PBX3: variants seen among roughly 807,000 people sequenced by gnomAD.
PBX3 encodes the protein pre-B-cell leukemia transcription factor 3.
PBX3 carries 14 observed loss-of-function variants against 48.5 expected under a neutral mutation model. The observed-to-expected ratio is 0.29, with a 90% confidence interval of 0.19 to 0.45. The LOEUF (loss-of-function observed/expected upper bound fraction) is 0.45. PBX3 is among the 20% of genes least tolerant of loss of function. The probability of loss-of-function intolerance (pLI) is 1.00; values close to 1 mark genes in which losing one functional copy is unlikely to be tolerated. For missense variants in PBX3, 386 were observed against 546.7 expected (o/e 0.71, Z 2.93); for synonymous variants, 210 against 200.3 (o/e 1.05, Z -0.41).
chr9:125,836,173 C>T lies in PBX3; in HGVS notation c.275-79513C>T, dbSNP rs186871786. ...AAAAAAAATTGATCTTGGCTGGGCGCGGTGGCTCACGCCTGTAATCCAAGC... is the reference window on the plus strand; with the variant it reads ...AAAAAAAATTGATCTTGGCTGGGCGTGGTGGCTCACGCCTGTAATCCAAGC... On this transcript the variant is annotated intron_variant, in intron 2 of 8. Coordinates refer to ENST00000373489, the MANE Select transcript of PBX3 (RefSeq NM_006195.6). 1.4e-4 allele frequency among the ~76,000 whole-genome samples: 22 copies of T among 152,224 alleles called. No homozygotes were observed. In the East Asian group the frequency reaches 2.5e-3, roughly 17 times the overall value.
rs974221321 is a variant in PBX3 at position 125,851,750 on chromosome 9, T to C, written c.275-63936T>C. ...CTGAATTTCTTAAGAACTTTTATTA[T>C]ACTATGAAATCAATTATTTCTTGGG... On this transcript the variant is annotated intron_variant, in intron 2 of 8. Coordinates refer to ENST00000373489, the MANE Select transcript of PBX3 (RefSeq NM_006195.6). 7.9e-5 allele frequency among the ~76,000 whole-genome samples: 12 copies of C among 152,210 alleles called. 2 individuals are homozygous for C. Among genetic ancestry groups the C allele is most frequent in the Admixed American group, 7.2e-4 (11 of 15,258 alleles).
intron 2 of PBX3, among the ~76,000 whole-genome samples, chr9:125,835,366 A>G (rs993663830): frequency 2.0e-5 from 3 of 152,168 alleles, no homozygotes; most frequent in Non-Finnish European, 2.9e-5. Flanking sequence ...ATGGCCCTAG[A>G]GTCTATACTC....
intron 2 of PBX3, among the ~76,000 whole-genome samples, chr9:125,880,322 C>T (rs963928445): frequency 6.6e-6 from 1 of 152,214 alleles, no homozygotes; most frequent in African/African-American, 2.4e-5. Context: ...GGATTACAGG[C>T]GTGAGCCACT....
intron 2 of PBX3, among the ~76,000 whole-genome samples, chr9:125,872,675 G>A (rs529402829): frequency 5.9e-5 from 9 of 151,614 alleles, no homozygotes; most frequent in East Asian, 2.0e-4. Flanking sequence ...CAGGAGGATC[G>A]CTTGAGCCCA....
intron 2 of PBX3, among the ~76,000 whole-genome samples, chr9:125,770,800 C>T (rs149473660): frequency 2.0e-5 from 3 of 152,292 alleles, no homozygotes; most frequent in African/African-American, 7.2e-5. Context: ...ACATCAACTA[C>T]TGACAAAAAA....
chr9:125,820,469 A>C (rs944142303), intron 2 of PBX3, among the ~76,000 whole-genome samples: 1 of 152,226 alleles, frequency 6.6e-6, no homozygotes, highest in Non-Finnish European at 1.5e-5. Flanking sequence ...TCACAGTAGA[A>C]AAAAGTATAG....
intron 2 of PBX3, among the ~76,000 whole-genome samples, chr9:125,861,710 C>T (rs1356288070): frequency 6.6e-6 from 1 of 152,168 alleles, no homozygotes; most frequent in African/African-American, 2.4e-5. Context: ...TGAGAGAAAC[C>T]ATTTATCAAG....
chr9:125,921,274 C>A (rs1841451124), intron 3 of PBX3, among the ~76,000 whole-genome samples: 2 of 152,098 alleles, frequency 1.3e-5, no homozygotes, highest in African/African-American at 4.8e-5. Flanking sequence ...GTATTTATGA[C>A]CACAAGCTCG....
At chr9:125,785,314 C>T (rs1398148429) in intron 2 of PBX3, among the ~76,000 whole-genome samples, 1 of 152,130 alleles carries the variant, frequency 6.6e-6, no homozygotes, top group Non-Finnish European at 1.5e-5. Flanking sequence ...GGAAGATTTA[C>T]CCTCAGCGTG....
intron 7 of PBX3, among the ~76,000 whole-genome samples, chr9:125,962,756 TC>T (rs1411218580): frequency 2.6e-5 from 4 of 152,214 alleles, no homozygotes; most frequent in African/African-American, 9.6e-5. Flanking sequence ...CACAGCCACA[TC>T]CATTTGGTTG....
chr9:125,860,336 A>C (rs888232322), intron 2 of PBX3, among the ~76,000 whole-genome samples: 14 of 152,248 alleles, frequency 9.2e-5, no homozygotes, highest in Admixed American at 6.5e-4. Context: ...GGGGACAGGT[A>C]GTATATATGA....
intron 2 of PBX3, among the ~76,000 whole-genome samples, chr9:125,809,306 A>G (rs902786069): frequency 2.0e-5 from 3 of 152,168 alleles, no homozygotes; most frequent in Non-Finnish European, 4.4e-5. Context: ...GAGTAGGCAA[A>G]TTTGTAAATA....
intron 2 of PBX3, among the ~76,000 whole-genome samples, chr9:125,825,981 A>C (rs373320099): frequency 4.5e-4 from 68 of 152,302 alleles, no homozygotes; most frequent in African/African-American, 1.6e-3. Flanking sequence ...GATACTTTAT[A>C]AATGTTAGCT....
intron 2 of PBX3, among the ~76,000 whole-genome samples, chr9:125,902,147 G>A (rs1009106447): frequency 1.3e-5 from 2 of 151,222 alleles, no homozygotes; most frequent in African/African-American, 4.8e-5. Flanking sequence ...AAATATTTAT[G>A]CAAAGATGTT....
chr9:125,887,035 C>T (rs959037485), intron 2 of PBX3, among the ~76,000 whole-genome samples: 4 of 152,078 alleles, frequency 2.6e-5, no homozygotes, highest in Non-Finnish European at 4.4e-5. Flanking sequence ...CTACTTTTGT[C>T]ACATATCATG....
intron 2 of PBX3, among the ~76,000 whole-genome samples, chr9:125,912,092 C>G (rs1048343739): frequency 6.6e-6 from 1 of 152,148 alleles, no homozygotes; most frequent in African/African-American, 2.4e-5. Flanking sequence ...GTTGTTTGCA[C>G]CTCATTCACT....
chr9:125,943,642 T>C (rs1842009684), intron 5 of PBX3, among the ~76,000 whole-genome samples: 1 of 152,118 alleles, frequency 6.6e-6, no homozygotes, highest in African/African-American at 2.4e-5. Context: ...GGCCAATATA[T>C]AAGCCAGGGT....
At chr9:125,812,434 A>G (rs530645034) in intron 2 of PBX3, among the ~76,000 whole-genome samples, 33 of 152,360 alleles carry the variant, frequency 2.2e-4, no homozygotes, top group African/African-American at 7.7e-4. Flanking sequence ...TTATTTGGAT[A>G]TTTTAATTGA....
intron 2 of PBX3, among the ~76,000 whole-genome samples, chr9:125,834,953 G>C (rs1360627937): frequency 7.4e-6 from 1 of 135,798 alleles, no homozygotes; most frequent in East Asian, 2.3e-4. Flanking sequence ...GGAGGCAGAA[G>C]TTGCAGTGAG....
Sources: allele counts gnomAD v4.1 joint callset (sites outside exome capture counted in the v4.1 genomes callset), GRCh38; gene constraint gnomAD v4.1.1; transcripts MANE v1.5; gene names NCBI Gene and HGNC (gene_info 2026-07-23, HGNC 2026-07-21).